Variants in GRM7 observed in about 807,000 individuals in gnomAD.
GRM7 encodes glutamate metabotropic receptor 7.
GRM7 carries 35 observed loss-of-function variants against 84.5 expected under a neutral mutation model. The ratio of observed to expected loss-of-function variants is 0.41; its 90% confidence interval spans 0.32 to 0.55. The LOEUF is 0.55. Among genes scored for constraint, GRM7 ranks in the 20% least tolerant of loss-of-function variants. GRM7 has a pLI of 0.19. For missense variants in GRM7, 1,003 were observed against 1,194.6 expected (o/e 0.84, Z 2.36); for synonymous variants, 487 against 455.1 (o/e 1.07, Z -0.89).
chr3:7,062,979 C>T (rs1574851290), intron 1 of GRM7, among the ~76,000 whole-genome samples: 1 of 151,824 alleles, frequency 6.6e-6, no homozygotes, highest in Middle Eastern at 3.4e-3. Flanking sequence ...CTTATTCCCA[C>T]TGGTGTTTGA....
intron 2 of GRM7, among the ~76,000 whole-genome samples, chr3:7,255,167 G>C (rs1698149627): frequency 6.6e-6 from 1 of 152,134 alleles, no homozygotes; most frequent in Non-Finnish European, 1.5e-5. Flanking sequence ...TCTCTTCAAG[G>C]AATCTATCAT....
intron 1 of GRM7, among the ~76,000 whole-genome samples, chr3:7,122,703 T>G (rs2125045171): frequency 6.6e-6 from 1 of 152,344 alleles, no homozygotes; most frequent in African/African-American, 2.4e-5. Flanking sequence ...GTGCTAACAT[T>G]TTAAATTGTT....
At chr3:7,250,008 C>G (rs73809029) in intron 2 of GRM7, among the ~76,000 whole-genome samples, 1 of 152,116 alleles carries the variant, frequency 6.6e-6, no homozygotes, top group East Asian at 1.9e-4. Context: ...TCCTTATGCT[C>G]CATCTCTTGG....
At chr3:7,480,684 G>T (rs1291481977) in intron 7 of GRM7, among the ~76,000 whole-genome samples, 1 of 152,180 alleles carries the variant, frequency 6.6e-6, no homozygotes, top group African/African-American at 2.4e-5. Context: ...TTGCAGATTT[G>T]AATTGTGGGT....
chr3:7,125,723 G>C (rs574408377), intron 1 of GRM7, among the ~76,000 whole-genome samples: 1 of 152,308 alleles, frequency 6.6e-6, no homozygotes, highest in African/African-American at 2.4e-5. Flanking sequence ...CAAAATGACT[G>C]TTTCACATCA....
chr3:7,716,393 T>C (rs1701770855), intron 9 of GRM7, among the ~76,000 whole-genome samples: 1 of 152,190 alleles, frequency 6.6e-6, no homozygotes, highest in African/African-American at 2.4e-5. Context: ...AATAATACTT[T>C]TCAGAATATA....
intron 8 of GRM7, among the ~76,000 whole-genome samples, chr3:7,632,947 A>G (rs1320189160): frequency 6.6e-6 from 1 of 152,274 alleles, no homozygotes; most frequent in Non-Finnish European, 1.5e-5. Flanking sequence ...AGCCAGTTTT[A>G]AAGAACCATA....
In GRM7 at chr3:7,365,640, C is replaced by CAT. The variant is rs1180304134; in HGVS notation, c.1034-49383_1034-49382insAT. Among the ~76,000 whole-genome samples the CAT allele has an allele frequency of 3.7e-4, 37 of 100,856 alleles. No homozygotes were observed. The South Asian group carries it at 7.9e-3, about 21-fold the overall frequency. 66.2% of individuals were successfully genotyped at this position (100,856 alleles called of 152,430 possible). On this transcript the variant is annotated intron_variant, in intron 4 of 9. Transcript: ENST00000357716. ...CTGATTTAATATGCATGTGTGTGTGCGTGTGTGTATATATATATATATATA... is the reference window on the plus strand; with the variant it reads ...CTGATTTAATATGCATGTGTGTGTGCATGTGTGTGTATATATATATATATATA...
At chr3:7,048,478 G>A (rs1574834140) in intron 1 of GRM7, among the ~76,000 whole-genome samples, 1 of 151,166 alleles carries the variant, frequency 6.6e-6, no homozygotes, top group African/African-American at 2.4e-5. Context: ...GAAAATGTAG[G>A]TTGTCATGTT....
At chr3:7,131,930 C>T (rs1693615395) in intron 1 of GRM7, among the ~76,000 whole-genome samples, 2 of 152,208 alleles carry the variant, frequency 1.3e-5, no homozygotes, top group Admixed American at 6.5e-5. Flanking sequence ...ACAATGGACT[C>T]TACCCTCAAG....
intron 4 of GRM7, among the ~76,000 whole-genome samples, chr3:7,332,740 A>T: frequency 6.6e-6 from 1 of 152,128 alleles, no homozygotes; most frequent in East Asian, 1.9e-4. Flanking sequence ...AATTCACAGA[A>T]CCTTTGAAAG....
chr3:7,701,752 A>T lies in GRM7; in HGVS notation c.2698+21457A>T, dbSNP rs1452338480. Among the ~76,000 whole-genome samples the T allele has an allele frequency of 2.0e-5, 3 of 152,088 alleles. No homozygotes were observed. The South Asian group carries it at 6.2e-4, about 32-fold the overall frequency. ...TAAGAGAAGATGTTCTTCACTAGAGATTTGGAAACTGAACACTAAGTTCAA... is the reference window on the plus strand; with the variant it reads ...TAAGAGAAGATGTTCTTCACTAGAGTTTTGGAAACTGAACACTAAGTTCAA... On this transcript the variant is annotated intron_variant, in intron 9 of 9. Coordinates refer to ENST00000357716, the MANE Select transcript of GRM7 (RefSeq NM_000844.4).
At position 7,433,026 on chromosome 3, in the gene GRM7, A is replaced by G. The variant is rs116384670; in HGVS notation, c.1174+17863A>G. Among the ~76,000 whole-genome samples, 967 of 152,344 alleles carry G rather than the reference A, an allele frequency of 6.3e-3. 11 individuals are homozygous for G. Among genetic ancestry groups the G allele is most frequent in the African/African-American group, 0.021 (871 of 41,590 alleles). On this transcript the variant is annotated intron_variant, in intron 5 of 9. Transcript: ENST00000357716. Reference sequence around the variant, plus strand: ...TCCATAGATCAAGGAAAGCCAGACTATGCCAACCAGAATTAAAAAATAAAG... The same window carrying G: ...TCCATAGATCAAGGAAAGCCAGACTGTGCCAACCAGAATTAAAAAATAAAG...
chr3:6,974,694 G>A (rs1028834119), intron 1 of GRM7, among the ~76,000 whole-genome samples: 24 of 152,282 alleles, frequency 1.6e-4, no homozygotes, highest in Non-Finnish European at 2.8e-4. Flanking sequence ...GATAAGGACC[G>A]AGGATGGCCC....
At chr3:7,655,944 A>G (rs990724244) in intron 8 of GRM7, among the ~76,000 whole-genome samples, 1 of 152,224 alleles carries the variant, frequency 6.6e-6, no homozygotes, top group African/African-American at 2.4e-5. Flanking sequence ...CTTACATGCT[A>G]TGTGATCATA....
At chr3:7,288,015 A>C (rs1018694054) in intron 2 of GRM7, among the ~76,000 whole-genome samples, 2 of 152,202 alleles carry the variant, frequency 1.3e-5, no homozygotes, top group African/African-American at 4.8e-5. Context: ...AATTGATATT[A>C]TAATCATATG....
chr3:7,630,513 A>T (rs945148818), intron 8 of GRM7, among the ~76,000 whole-genome samples: 12 of 152,276 alleles, frequency 7.9e-5, no homozygotes, highest in African/African-American at 2.9e-4. Context: ...AAAGATAACA[A>T]GGGGAAAGGG....
intron 2 of GRM7, among the ~76,000 whole-genome samples, chr3:7,245,705 T>A (rs996874402): frequency 3.3e-5 from 5 of 152,002 alleles, no homozygotes; most frequent in Non-Finnish European, 7.4e-5. Context: ...AGGGAAATGA[T>A]GCCTAATGAT....
chr3:6,955,616 G>A (rs111305707), intron 1 of GRM7, among the ~76,000 whole-genome samples: 5 of 152,028 alleles, frequency 3.3e-5, no homozygotes, highest in African/African-American at 1.2e-4. Flanking sequence ...AGGCTGAGAT[G>A]GGCAGATTGT....
Sources: gnomAD v4.1 joint callset for allele counts (sites outside exome capture counted in the v4.1 genomes callset) on GRCh38, gnomAD v4.1.1 for gene constraint, MANE v1.5 for transcripts, NCBI Gene and HGNC (gene_info 2026-07-23, HGNC 2026-07-21) for gene names.